The following WWOX variants were observed in gnomAD, a reference collection of about 807,000 sequenced individuals.
The protein encoded by WWOX is WW domain containing oxidoreductase.
WWOX carries 69 observed loss-of-function variants against 46.2 expected under a neutral mutation model. The observed-to-expected ratio is 1.49, with a 90% CI of 1.23 to 1.82. The LOEUF (loss-of-function observed/expected upper bound fraction) is 1.82. Among genes scored for constraint, WWOX ranks in the 40% most tolerant of loss-of-function variants. WWOX has a pLI of 0.00. For synonymous variants in WWOX, 359 were observed against 202.6 expected (o/e 1.77, Z -6.56); for missense variants, 919 against 542.6 (o/e 1.69, Z -6.89).
intron 5 of WWOX, among the ~76,000 whole-genome samples, chr16:78,244,079 T>G (rs1039679265): frequency 6.6e-6 from 1 of 152,216 alleles, no homozygotes; most frequent in Non-Finnish European, 1.5e-5. Flanking sequence ...CTGGAACACC[T>G]CCTGCTGGGG....
intron 8 of WWOX, among the ~76,000 whole-genome samples, chr16:78,948,292 C>T (rs1050586483): frequency 6.6e-6 from 1 of 152,096 alleles, no homozygotes; most frequent in African/African-American, 2.4e-5. Context: ...GTTTGGGACC[C>T]CTGTTGCTGT....
intron 8 of WWOX, among the ~76,000 whole-genome samples, chr16:78,675,504 A>T (rs1007397843): frequency 6.6e-6 from 1 of 152,186 alleles, no homozygotes; most frequent in African/African-American, 2.4e-5. Context: ...AAGCACTTAC[A>T]ACTAGTGACT....
intron 8 of WWOX, among the ~76,000 whole-genome samples, chr16:78,789,048 G>A (rs1208724898): frequency 6.6e-6 from 1 of 152,134 alleles, no homozygotes; most frequent in East Asian, 1.9e-4. Context: ...ATCTCGTGAT[G>A]CACAAAAGTT....
At chr16:78,307,677 A>T (rs550766653) in intron 5 of WWOX, among the ~76,000 whole-genome samples, 1 of 152,222 alleles carries the variant, frequency 6.6e-6, no homozygotes, top group African/African-American at 2.4e-5. Flanking sequence ...ACCTAAGATC[A>T]TGGTTATTTG....
intron 8 of WWOX, among the ~76,000 whole-genome samples, chr16:79,178,957 A>G (rs548079768): frequency 2.0e-5 from 3 of 152,226 alleles, no homozygotes; most frequent in East Asian, 1.9e-4. Context: ...AGGACCTTCT[A>G]GGGAAATGTG....
intron 6 of WWOX, among the ~76,000 whole-genome samples, chr16:78,404,437 G>A (rs147657708): frequency 1.3e-5 from 2 of 152,026 alleles, no homozygotes; most frequent in African/African-American, 4.8e-5. Context: ...AGAAGCTGAG[G>A]GTCACAGAAA....
At chr16:78,567,334 A>G (rs2044594050) in intron 8 of WWOX, among the ~76,000 whole-genome samples, 1 of 151,892 alleles carries the variant, frequency 6.6e-6, no homozygotes, top group Non-Finnish European at 1.5e-5. Context: ...TCACGAGGTC[A>G]GGAGATCGAG....
chr16:78,395,903 C>T (rs762111092), intron 6 of WWOX, among the ~76,000 whole-genome samples: 1 of 152,140 alleles, frequency 6.6e-6, no homozygotes, highest in Middle Eastern at 3.4e-3. Context: ...TATGTCTGTT[C>T]CTCTTGATTT....
intron 8 of WWOX, among the ~76,000 whole-genome samples, chr16:78,802,050 T>C (rs2050904575): frequency 6.6e-6 from 1 of 152,162 alleles, no homozygotes; most frequent in Non-Finnish European, 1.5e-5. Context: ...CTCCTGGCTC[T>C]GCTGGTTATT....
intron 8 of WWOX, among the ~76,000 whole-genome samples, chr16:78,887,659 C>G (rs1012697643): frequency 6.6e-6 from 1 of 152,110 alleles, no homozygotes; most frequent in Non-Finnish European, 1.5e-5. Flanking sequence ...TATGTGGATT[C>G]CATAAAATAG....
chr16:79,170,411 C>T (rs955464204), intron 8 of WWOX, among the ~76,000 whole-genome samples: 7 of 152,194 alleles, frequency 4.6e-5, no homozygotes, highest in South Asian at 2.1e-4. Flanking sequence ...CCTCCTAATA[C>T]ATTTTCTTAT....
chr16:78,746,766 G>T (rs2049357127), intron 8 of WWOX, among the ~76,000 whole-genome samples: 1 of 152,016 alleles, frequency 6.6e-6, no homozygotes, highest in South Asian at 2.1e-4. Context: ...TTATACCCTG[G>T]AGCCATTTTC....
intron 8 of WWOX, among the ~76,000 whole-genome samples, chr16:78,947,837 CA>C (rs2045979292): frequency 1.3e-5 from 2 of 152,098 alleles, no homozygotes; most frequent in Admixed American, 6.6e-5. Flanking sequence ...GGAGAAGCTC[CA>C]AAATAAAATA....
At chr16:78,164,891 C>T (rs533648963) in intron 5 of WWOX, among the ~76,000 whole-genome samples, 20 of 152,094 alleles carry the variant, frequency 1.3e-4, no homozygotes, top group Non-Finnish European at 2.8e-4. Flanking sequence ...GGAATGATAG[C>T]GTGAGTGTGA....
intron 8 of WWOX, among the ~76,000 whole-genome samples, chr16:79,060,646 T>C (rs1279257498): frequency 6.6e-6 from 1 of 152,274 alleles, no homozygotes; most frequent in Non-Finnish European, 1.5e-5. Context: ...GAGTATTTTC[T>C]AGTCTCATTT....
intron 8 of WWOX, among the ~76,000 whole-genome samples, chr16:78,873,705 C>T (rs974342298): frequency 1.3e-5 from 2 of 152,094 alleles, no homozygotes; most frequent in African/African-American, 4.8e-5. Context: ...AGGACGATTG[C>T]TTGAGGCCGG....
At chr16:79,173,592 A>G (rs2050743000) in intron 8 of WWOX, among the ~76,000 whole-genome samples, 1 of 152,144 alleles carries the variant, frequency 6.6e-6, no homozygotes, top group Admixed American at 6.5e-5. Flanking sequence ...AAGCCACTGG[A>G]AATAACTATT....
chr16:78,659,750 A>C (rs2047169918), intron 8 of WWOX, among the ~76,000 whole-genome samples: 2 of 152,190 alleles, frequency 1.3e-5, no homozygotes, highest in African/African-American at 4.8e-5. Flanking sequence ...ATATTTGCCC[A>C]CATGAAGATA....
At chr16:78,933,822 G>A (rs749981388) in intron 8 of WWOX, among the ~76,000 whole-genome samples, 5 of 152,110 alleles carry the variant, frequency 3.3e-5, no homozygotes, top group Admixed American at 6.5e-5. Flanking sequence ...TTCCTCCCAC[G>A]ACATTTGGGA....
Sources: gnomAD v4.1 joint callset for allele counts (sites outside exome capture counted in the v4.1 genomes callset) on GRCh38, gnomAD v4.1.1 for gene constraint, MANE v1.5 for transcripts, NCBI Gene and HGNC (gene_info 2026-07-23, HGNC 2026-07-21) for gene names.